NIPBL: variants seen among roughly 807,000 people sequenced by gnomAD.
The protein encoded by NIPBL is NIPBL cohesin loading factor.
NIPBL carries 19 observed loss-of-function variants against 321.8 expected under a neutral mutation model. That is an observed-to-expected ratio of 0.06 (90% CI 0.04 to 0.09). NIPBL has a LOEUF of 0.09. NIPBL is among the 10% of genes least tolerant of loss of function. The pLI is 1.00. For synonymous variants in NIPBL, 1,106 were observed against 1,114.1 expected, an observed-to-expected ratio of 0.99 and a Z score of 0.14; for missense variants, 2,210 against 3,327.0, an observed-to-expected ratio of 0.66 and a Z score of 8.26.
intron 1 of NIPBL, among the ~76,000 whole-genome samples, chr5:36,887,419 T>C (rs956199762): frequency 2.6e-5 from 4 of 152,170 alleles, no homozygotes; most frequent in Admixed American, 2.6e-4. Context: ...TCTCTTCCAA[T>C]GATTAAAGTT....
intron 37 of NIPBL, 132 bp from the exon 38 acceptor site, chr5:37,045,977 G>A: frequency 1.6e-6 from 1 of 624,846 alleles, no homozygotes; most frequent in Non-Finnish European, 2.9e-6. Flanking sequence ...TAAAATAAAT[G>A]GAATTGGTTA....
chr5:37,009,640 AT>A (rs1272330592), intron 20 of NIPBL, among the ~76,000 whole-genome samples: 3 of 152,316 alleles, frequency 2.0e-5, no homozygotes, highest in East Asian at 1.9e-4. Flanking sequence ...GTGGAAATTG[AT>A]TTTTTATAAT....
intron 1 of NIPBL, among the ~76,000 whole-genome samples, chr5:36,887,470 T>C (rs1019983660): frequency 1.1e-4 from 17 of 152,308 alleles, no homozygotes; most frequent in Admixed American, 1.1e-3. Context: ...GGGCAGATAA[T>C]GAGAAAAGAG....
intron 1 of NIPBL, among the ~76,000 whole-genome samples, 168 bp from the exon 2 acceptor site, chr5:36,953,450 A>C (rs1308461662): frequency 6.6e-6 from 1 of 152,250 alleles, no homozygotes; most frequent in African/African-American, 2.4e-5. Flanking sequence ...TAATGTGTGC[A>C]AAGCACTTTG....
intron 20 of NIPBL, 34 bp from the exon 21 acceptor site, chr5:37,010,053 G>C (rs1183403698): frequency 6.6e-7 from 1 of 1,511,800 alleles, no homozygotes. Flanking sequence ...AGATTATCTT[G>C]ATACTCCATA....
intron 34 of NIPBL, among the ~76,000 whole-genome samples, chr5:37,040,951 G>A (rs1266411989): frequency 6.6e-6 from 1 of 152,072 alleles, no homozygotes; most frequent in African/African-American, 2.4e-5. Flanking sequence ...GTACTGACCA[G>A]TGGGGCTTGC....
chr5:37,013,053 C>CA (rs1029360664), intron 21 of NIPBL, among the ~76,000 whole-genome samples: 2 of 150,956 alleles, frequency 1.3e-5, no homozygotes, highest in African/African-American at 4.9e-5. Flanking sequence ...GACCCCCCCC[C>CA]ACCTCCCTCC....
chr5:37,020,902 A>C, intron 27 of NIPBL, 25 bp downstream of exon 27: 15 of 1,445,416 alleles, frequency 1.0e-5, no homozygotes, highest in Non-Finnish European at 1.5e-5. Context: ...AATTCCTTAT[A>C]CAGTGATATT....
At chr5:36,998,441 G>A (rs1265130842) in intron 11 of NIPBL, among the ~76,000 whole-genome samples, 2 of 152,034 alleles carry the variant, frequency 1.3e-5, no homozygotes, top group Non-Finnish European at 2.9e-5. Flanking sequence ...TCTACTCATA[G>A]GATTGAATGC....
At chr5:36,921,867 G>A (rs1748969307) in intron 1 of NIPBL, among the ~76,000 whole-genome samples, 1 of 149,356 alleles carries the variant, frequency 6.7e-6, no homozygotes, top group East Asian at 2.0e-4. Flanking sequence ...TCCTCAAAGT[G>A]TTTTTTTGGT....
chr5:36,934,181 T>C (rs1487655523), intron 1 of NIPBL, among the ~76,000 whole-genome samples: 1 of 152,156 alleles, frequency 6.6e-6, no homozygotes, highest in South Asian at 2.1e-4. Flanking sequence ...ATACATTCTC[T>C]AGCAGTGTTA....
intron 23 of NIPBL, 59 bp downstream of exon 23, chr5:37,016,229 A>T (rs1264698160): frequency 6.7e-7 from 1 of 1,502,506 alleles, no homozygotes; most frequent in Non-Finnish European, 9.3e-7. Flanking sequence ...ATGAGGATGT[A>T]CTCTGATTCA....
intron 9 of NIPBL, among the ~76,000 whole-genome samples, chr5:36,980,079 A>T (rs1280352040): frequency 2.0e-5 from 3 of 151,768 alleles, no homozygotes; most frequent in African/African-American, 7.2e-5. Flanking sequence ...TAAAAATGGA[A>T]TTAAAATAAG....
intron 43 of NIPBL, among the ~76,000 whole-genome samples, chr5:37,058,128 G>A (rs567822876): frequency 6.6e-6 from 1 of 152,266 alleles, no homozygotes; most frequent in South Asian, 2.1e-4. Context: ...TTTCACCTGA[G>A]AGCTTATTAA....
intron 1 of NIPBL, among the ~76,000 whole-genome samples, chr5:36,952,071 CGCAT>C (rs1740432162): frequency 7.9e-6 from 1 of 125,824 alleles, no homozygotes; most frequent in Non-Finnish European, 1.7e-5. Flanking sequence ...CGCGCGCGCG[CGCAT>C]GTGTGTGTGT....
At chr5:37,027,735 CA>C (rs1750472118) in intron 32 of NIPBL, among the ~76,000 whole-genome samples, 1 of 150,976 alleles carries the variant, frequency 6.6e-6, no homozygotes, top group Non-Finnish European at 1.5e-5. Context: ...TCTCCTGCCT[CA>C]GCCTCCAGAG....
At chr5:36,928,364 A>G (rs1270714849) in intron 1 of NIPBL, among the ~76,000 whole-genome samples, 1 of 152,220 alleles carries the variant, frequency 6.6e-6, no homozygotes, top group Non-Finnish European at 1.5e-5. Flanking sequence ...AGAGCTAATT[A>G]ATACAACCAA....
At position 37,008,076 on chromosome 5, in the gene NIPBL, G is replaced by C; in HGVS notation, c.4308G>C (p.Lys1436Asn). 6.3e-7 allele frequency: 1 copy of C among 1,599,936 alleles called. No homozygotes were observed. Among genetic ancestry groups the C allele is most frequent in the Non-Finnish European group, 8.6e-7 (1 of 1,167,404 alleles). ...GTGAACTACAGTTGTGTGCCATTAA[G>C]TTAGTCACTGCAGTAAGTATAATCA... The part of the protein sequence containing the change: ...NVSELQLCAI[K>N]LVTAVFSRYE... The change falls in exon 19 of 47, where the codon AAG becomes AAC. Residue 1436 changes from lysine to asparagine, a missense_variant. This residue lies in a region of NIPBL where 381 missense variants were observed against 642.3 expected (regional missense o/e 0.59). Coordinates refer to ENST00000282516, the MANE Select transcript of NIPBL (RefSeq NM_133433.4).
chr5:36,987,278 T>C (rs1414467755), intron 10 of NIPBL, among the ~76,000 whole-genome samples: 1 of 152,218 alleles, frequency 6.6e-6, no homozygotes, highest in East Asian at 1.9e-4. Flanking sequence ...AGATTTATAC[T>C]TATATATAAC....
Sources: allele counts gnomAD v4.1 joint callset (sites outside exome capture counted in the v4.1 genomes callset), GRCh38; gene constraint gnomAD v4.1.1; regional missense constraint gnomAD v4.1.1; transcripts MANE v1.5; gene names NCBI Gene and HGNC (gene_info 2026-07-23, HGNC 2026-07-21).